HS6ST2: variants seen among roughly 807,000 people sequenced by gnomAD.
The protein encoded by HS6ST2 is heparan sulfate 6-O-sulfotransferase 2.
A neutral mutation model predicts 33.0 loss-of-function variants in HS6ST2; 17 were observed. That is an observed-to-expected ratio of 0.52 (90% CI 0.35 to 0.77). HS6ST2 has a LOEUF of 0.77. Ranked by LOEUF, HS6ST2 falls within the 30% of genes least tolerant of loss-of-function variation. The probability of loss-of-function intolerance (pLI) is 0.01; values close to 1 mark genes in which losing one functional copy is unlikely to be tolerated. For synonymous variants in HS6ST2, 248 were observed against 237.1 expected (o/e 1.05, Z -0.42); for missense variants, 519 against 551.7 (o/e 0.94, Z 0.59).
chrX:132,931,041 C>T (rs766189339), intron 2 of HS6ST2, among the ~76,000 whole-genome samples: 4 of 111,506 alleles, frequency 3.6e-5, no homozygotes, highest in African/African-American at 6.5e-5. Flanking sequence ...ACAACCATAC[C>T]GGTGAAAATT....
At chrX:132,828,064 T>C (rs745635779) in intron 2 of HS6ST2, among the ~76,000 whole-genome samples, 1 of 111,644 alleles carries the variant, frequency 9.0e-6, no homozygotes, top group African/African-American at 3.3e-5. Flanking sequence ...CTCTGGGAGA[T>C]CCACTTTTAA....
At chrX:132,717,135 T>C (rs990362371) in intron 2 of HS6ST2, among the ~76,000 whole-genome samples, 1 of 113,100 alleles carries the variant, frequency 8.8e-6, no homozygotes, top group Non-Finnish European at 1.9e-5. Flanking sequence ...GATCAGACAA[T>C]GGAGACACAT....
chrX:132,875,986 G>T (rs1245599591), intron 2 of HS6ST2, among the ~76,000 whole-genome samples: 3 of 111,219 alleles, frequency 2.7e-5, no homozygotes, highest in Non-Finnish European at 3.8e-5. Context: ...GTAATTGAAG[G>T]TTTTTGCCAA....
At chrX:132,693,145 T>TA (rs1159816612) in intron 3 of HS6ST2, among the ~76,000 whole-genome samples, 3 of 112,224 alleles carry the variant, frequency 2.7e-5, no homozygotes, top group African/African-American at 9.7e-5. Context: ...ATATGGTAGA[T>TA]ATCAGGACAG....
At chrX:132,729,617 C>T (rs985602110) in intron 2 of HS6ST2, among the ~76,000 whole-genome samples, 31 of 111,660 alleles carry the variant, frequency 2.8e-4, no homozygotes, top group African/African-American at 9.8e-4. Flanking sequence ...TCTATGGAGC[C>T]AGATATCAAA....
At chrX:132,784,083 A>G (rs1324680547) in intron 2 of HS6ST2, among the ~76,000 whole-genome samples, 2 of 111,175 alleles carry the variant, frequency 1.8e-5, no homozygotes, top group East Asian at 5.7e-4. Context: ...TCTTGTCACC[A>G]TGAAGAATGT....
At position 132,958,322 on chromosome X, in the gene HS6ST2, C is replaced by G; in HGVS notation, c.281G>C (p.Arg94Pro). The G allele has an allele frequency of 8.4e-7, 1 of 1,196,898 alleles. No individual in the cohort carries two copies. Among genetic ancestry groups the G allele is most frequent in the East Asian group, 3.0e-5 (1 of 33,638 alleles). The stretch of plus-strand genomic sequence containing the variant: ...CCTGAGGACGTGCATCCGCCTGCGG[C>G]GGCCCCGGGACAGCAGCGCGAAAAG... Reference protein sequence around the residue: ...APLFALLSRGRRRRMHVLRRR... With the variant: ...APLFALLSRGPRRRMHVLRRR... Residue 94 changes from arginine (R) to proline (P), a missense_variant, in exon 1 of 5, where the codon CGC (arginine) becomes CCC (proline). Arg to Pro is a moderately radical substitution (Grantham distance 103). Transcript: ENST00000370833.
In HS6ST2 at chrX:132,888,793, C is replaced by A. The variant is rs1272409447; in HGVS notation, c.947+68015G>T. On this transcript the variant is annotated intron_variant, in intron 2 of 4. Transcript: ENST00000370833. ...CGCTGGGATTACAGGTGTGAGCCAA[C>A]GTGTCCTGCCACAATTGGTAGATTT... Among the ~76,000 whole-genome samples, 3 of 111,034 alleles carry A rather than the reference C, an allele frequency of 2.7e-5. No individual in the cohort carries two copies. In the Admixed American group the frequency reaches 2.9e-4, roughly 11 times the overall value.
chrX:132,800,025 C>T (rs2065219737), intron 2 of HS6ST2, among the ~76,000 whole-genome samples: 1 of 112,171 alleles, frequency 8.9e-6, no homozygotes, highest in African/African-American at 3.2e-5. Context: ...AGGACCGATT[C>T]TCAAGAGTCT....
At chrX:132,898,852 G>T (rs2066402700) in intron 2 of HS6ST2, among the ~76,000 whole-genome samples, 1 of 110,846 alleles carries the variant, frequency 9.0e-6, no homozygotes, top group African/African-American at 3.3e-5. Flanking sequence ...TTATGTCTTT[G>T]GCTGAGTACT....
intron 3 of HS6ST2, among the ~76,000 whole-genome samples, chrX:132,677,877 A>C (rs752884391): frequency 1.2e-4 from 13 of 111,968 alleles, no homozygotes; most frequent in African/African-American, 4.2e-4. Flanking sequence ...GAACTTGAAC[A>C]AGTTGGGTCA....
intron 2 of HS6ST2, among the ~76,000 whole-genome samples, chrX:132,851,429 G>A (rs1327394437): frequency 8.9e-6 from 1 of 112,364 alleles, no homozygotes; most frequent in African/African-American, 3.2e-5. Flanking sequence ...CCCCTGACTT[G>A]CCACTGTATG....
chrX:132,689,508 A>T (rs917783770), intron 3 of HS6ST2, among the ~76,000 whole-genome samples: 1 of 111,976 alleles, frequency 8.9e-6, no homozygotes, highest in Non-Finnish European at 1.9e-5. Flanking sequence ...AATGAAAAAA[A>T]ATTCCCCTTA....
chrX:132,765,874 G>A (rs2148315095), intron 2 of HS6ST2, among the ~76,000 whole-genome samples: 1 of 112,379 alleles, frequency 8.9e-6, no homozygotes, highest in South Asian at 3.7e-4. Context: ...GGACTAGTAT[G>A]TATTATTCTC....
chrX:132,923,195 G>C (rs1213076993), intron 2 of HS6ST2, among the ~76,000 whole-genome samples: 1 of 111,223 alleles, frequency 9.0e-6, no homozygotes, highest in African/African-American at 3.3e-5. Context: ...TTATTGTGCA[G>C]AGGAAGTCTC....
intron 2 of HS6ST2, among the ~76,000 whole-genome samples, chrX:132,840,954 A>G (rs2065701908): frequency 8.9e-6 from 1 of 112,542 alleles, no homozygotes; most frequent in South Asian, 3.7e-4. Flanking sequence ...AGTGGAAAGC[A>G]GTAGGCTTAC....
intron 3 of HS6ST2, among the ~76,000 whole-genome samples, chrX:132,682,388 A>T (rs1043722285): frequency 8.9e-6 from 1 of 112,101 alleles, no homozygotes; most frequent in Non-Finnish European, 1.9e-5. Context: ...TGAAAGGAGA[A>T]GGCCCTGCAA....
chrX:132,793,537 T>C (rs932004124), intron 2 of HS6ST2, among the ~76,000 whole-genome samples: 3 of 111,603 alleles, frequency 2.7e-5, no homozygotes, highest in African/African-American at 9.8e-5. Context: ...TGCTACAGAA[T>C]TGGTCAGAGG....
intron 2 of HS6ST2, among the ~76,000 whole-genome samples, chrX:132,810,229 C>T (rs771156245): frequency 9.1e-6 from 1 of 110,143 alleles, no homozygotes; most frequent in South Asian, 4.1e-4. Context: ...AACATAATGA[C>T]ACCTCATCTC....
Sources: gnomAD v4.1 joint callset for allele counts (sites outside exome capture counted in the v4.1 genomes callset) on GRCh38, gnomAD v4.1.1 for gene constraint, MANE v1.5 for transcripts, NCBI Gene and HGNC (gene_info 2026-07-23, HGNC 2026-07-21) for gene names.